Variants in LHX1 observed in about 807,000 individuals in gnomAD.
The protein encoded by LHX1 is LIM/homeobox protein Lhx1.
Under a neutral mutation model 34.1 loss-of-function variants are expected in LHX1, and 9 were observed. The ratio of observed to expected loss-of-function variants is 0.26; its 90% confidence interval spans 0.16 to 0.46. The LOEUF is 0.46. Ranked by LOEUF, LHX1 falls within the 20% of genes least tolerant of loss-of-function variation. The pLI, the probability that LHX1 is intolerant of heterozygous loss-of-function variation, is 1.00. For missense variants in LHX1, 446 were observed against 559.1 expected, an observed-to-expected ratio of 0.80 and a Z score of 2.04; for synonymous variants, 254 against 241.5, an observed-to-expected ratio of 1.05 and a Z score of -0.48.
At chr17:36,942,439 G>T in intron 4 of LHX1, 74 bp downstream of exon 4, 3 of 1,451,046 alleles carry the variant, frequency 2.1e-6, no homozygotes, top group South Asian at 2.5e-5. Context: ...CAGCGCGGGG[G>T]GGCACGCCTC....
intron 3 of LHX1, 64 bp downstream of exon 3, chr17:36,940,951 C>T (rs772981166): frequency 6.5e-7 from 1 of 1,538,522 alleles, no homozygotes; most frequent in South Asian, 1.2e-5. Flanking sequence ...GCACCCAGGC[C>T]GAGCCAGGAG....
Position 36,942,471 on chromosome 17 carries a change from AG to A in LHX1, c.841+107del. 4 of 1,210,932 alleles carry A rather than the reference AG, an allele frequency of 3.3e-6. No homozygotes were observed. The East Asian group carries it at 1.0e-4, about 31-fold the overall frequency. The allele number at this position is 1,210,932 out of a possible 1,614,324, so 75.0% of individuals were successfully genotyped here. ...CCTCGCTCTCTGTAAGCCACTGGAG[AG>A]TTGGGGCGAGTAGGGAGAAGGCTGG... is the stretch of plus-strand genomic sequence containing the variant. On this transcript the variant is annotated intron_variant, in intron 4 of 4. Coordinates refer to ENST00000614239, the MANE Select transcript of LHX1 (RefSeq NM_005568.5).
chr17:36,938,912 T>C, intron 1 of LHX1: 1 of 235,080 alleles, frequency 4.3e-6, no homozygotes, highest in Non-Finnish European at 8.6e-6. Context: ...CCGGGGGTCT[T>C]CCCCAAACCC....
intron 1 of LHX1, chr17:36,939,987 C>T: frequency 1.8e-6 from 1 of 566,060 alleles, no homozygotes; most frequent in East Asian, 3.0e-5. Context: ...TCTGGGATAA[C>T]GCTGGGAGTG....
Position 36,940,297 on chromosome 17 carries a change from G to T in LHX1, c.178G>T (p.Gly60Cys). ...YCKNDFFRCFGTKCAGCAQGI... is the reference protein window; with the variant it reads ...YCKNDFFRCFCTKCAGCAQGI... ...ACCCCCACCCCCCCGCAGGTGTTTC[G>T]GTACCAAATGCGCAGGCTGCGCTCA... Residue 60 changes from glycine (G) to cysteine (C), a missense_variant, in exon 2 of 5, where the codon GGT (glycine) becomes TGT (cysteine). Coordinates refer to ENST00000614239, the MANE Select transcript of LHX1 (RefSeq NM_005568.5). 2.0e-6 allele frequency: 3 copies of T among 1,474,814 alleles called. No homozygotes were observed. The highest frequency in any genetic ancestry group is 9.0e-7 in the Non-Finnish European group (1 of 1,112,254). The allele number at this position is 1,474,814 out of a possible 1,614,324, so 91.4% of individuals were successfully genotyped here. A position where few individuals can be genotyped will look rare whatever the true frequency, so the allele number is the denominator to read the frequency against.
chr17:36,942,667 G>A, intron 4 of LHX1, 85 bp from the exon 5 acceptor site: 1 of 1,364,964 alleles, frequency 7.3e-7, no homozygotes, highest in South Asian at 1.6e-5. Context: ...TCCTCAGCCC[G>A]CCGAGGTCGC....
rs2070789197 is a variant in LHX1 at position 36,944,342 on chromosome 17, T to C, written c.*1211T>C. ...ATTTTTTTGTCCTGTTGAACATTCA[T>C]GGAATTGTTAATATGACTTATATAG... On this transcript the variant is annotated 3_prime_UTR_variant, in exon 5 of 5. Transcript: ENST00000614239. 1 of 152,090 alleles carries C rather than the reference T, an allele frequency of 6.6e-6. No homozygotes were observed. Among genetic ancestry groups the C allele is most frequent in the African/African-American group, 2.4e-5 (1 of 41,434 alleles). 9.4% of individuals were successfully genotyped at this position (152,090 alleles called of 1,614,324 possible). A position where few individuals can be genotyped will look rare whatever the true frequency, so the allele number is the denominator to read the frequency against.
Position 36,943,205 on chromosome 17 carries a change from A to AAAC in LHX1, c.*76_*77insCAA, listed in dbSNP as rs2070780029. On this transcript the variant is annotated 3_prime_UTR_variant, in exon 5 of 5. Transcript: ENST00000614239. ...TTTATTTAAGAAAAATAGAAAAAAA[A>AAAC]AAACATAAAAAGCAAGTCCCCACCC... 11 of 1,512,948 alleles carry AAAC rather than the reference A, an allele frequency of 7.3e-6. No individual in the cohort carries two copies. In the South Asian group the frequency reaches 1.3e-4, roughly 17 times the overall value. The allele number at this position is 1,512,948 out of a possible 1,614,324, so 93.7% of individuals were successfully genotyped here.
chr17:36,939,901 C>A (rs8075069), intron 1 of LHX1: 29,293 of 366,432 alleles, frequency 0.08, 3,085 homozygotes, highest in African/African-American at 0.32. Context: ...TGAATCTAAT[C>A]GGAAAATAAG....
chr17:36,944,369 C>G lies in LHX1; in HGVS notation c.*1238C>G, dbSNP rs1482298218. 6.6e-6 allele frequency: 1 copy of G among 151,554 alleles called. No individual in the cohort carries two copies. The highest frequency in any genetic ancestry group is 2.4e-5 in the African/African-American group (1 of 41,222). The allele number at this position is 151,554 out of a possible 1,614,324, so 9.4% of individuals were successfully genotyped here. On this transcript the variant is annotated 3_prime_UTR_variant, in exon 5 of 5. Transcript: ENST00000614239. ...GAATTGTTAATATGACTTATATAGA[C>G]CCACACAGGTTTTATTTTTGTGTCT...
intron 3 of LHX1, 152 bp from the exon 4 acceptor site, chr17:36,942,048 G>T (rs538330189): frequency 1.4e-5 from 10 of 730,582 alleles, no homozygotes; most frequent in African/African-American, 1.2e-4. Flanking sequence ...CCTAGTCAGA[G>T]ATCGCACCGT....
intron 1 of LHX1, 32 bp from the exon 2 acceptor site, chr17:36,940,258 C>CGGGGGGGGGGG: frequency 2.8e-5 from 15 of 528,866 alleles, no homozygotes; most frequent in East Asian, 3.5e-5. Flanking sequence ...GACCCATCCC[C>CGGGGGGGGGGG]GCCCCCGCCC....
chr17:36,940,332 C>A lies in LHX1; in HGVS notation c.213C>A (p.Ser71=), dbSNP rs751903509. 187 of 1,422,086 alleles carry A rather than the reference C, an allele frequency of 1.3e-4. No homozygotes were observed. The highest frequency in any genetic ancestry group is 1.7e-4 in the Non-Finnish European group (178 of 1,061,388). The allele number at this position is 1,422,086 out of a possible 1,614,324, so 88.1% of individuals were successfully genotyped here. The change falls in exon 2 of 5, where the codon TCC becomes TCA. Residue 71 remains serine (S), a synonymous_variant. Transcript: ENST00000614239. ...TKCAGCAQGI[S]PSDLVRRARS... Reference sequence around the variant, plus strand: ...GCGCAGGCTGCGCTCAGGGCATCTCCCCTAGCGACCTGGTGCGGAGAGCGC... The same window carrying A: ...GCGCAGGCTGCGCTCAGGGCATCTCACCTAGCGACCTGGTGCGGAGAGCGC...
At chr17:36,941,068 G>C in intron 3 of LHX1, 181 bp downstream of exon 3, 1 of 963,054 alleles carries the variant, frequency 1.0e-6, no homozygotes, top group Non-Finnish European at 1.6e-6. Context: ...CGAGCATCTA[G>C]AAAGTCCTCT....
chr17:36,939,410 G>T (rs1466003629), intron 1 of LHX1, among the ~76,000 whole-genome samples: 1 of 152,188 alleles, frequency 6.6e-6, no homozygotes, highest in Non-Finnish European at 1.5e-5. Context: ...CCACTCAGAG[G>T]GCCAAGACGC....
In LHX1 at chr17:36,941,024, G is replaced by A. The variant is rs2070761798; in HGVS notation, c.675+137G>A. ...GAGGTGGGGTGCCTAGACACATCCC[G>A]AGCCTGCGGGACCTATGAAATGCCT... On this transcript the variant is annotated intron_variant, in intron 3 of 4. Coordinates refer to ENST00000614239, the MANE Select transcript of LHX1 (RefSeq NM_005568.5). The A allele has an allele frequency of 4.6e-6, 6 of 1,314,230 alleles. No homozygotes were observed. In the Admixed American group the frequency reaches 9.9e-5, roughly 22 times the overall value. The allele number at this position is 1,314,230 out of a possible 1,614,324, so 81.4% of individuals were successfully genotyped here.
chr17:36,944,480 CAT>C lies in LHX1; in HGVS notation c.*1352_*1353del, dbSNP rs775084578. ...CTTTTTCTTTATATATTAAATTTCT[CAT>C]ATGTCTTTTATTGTTCTAATAAACC... is the stretch of plus-strand genomic sequence containing the variant. On this transcript the variant is annotated 3_prime_UTR_variant, in exon 5 of 5. Coordinates refer to ENST00000614239, the MANE Select transcript of LHX1 (RefSeq NM_005568.5). 15 of 152,288 alleles carry C rather than the reference CAT, an allele frequency of 9.8e-5. No individual in the cohort carries two copies. The highest frequency in any genetic ancestry group is 7.7e-4 in the East Asian group (4 of 5,194). The allele number at this position is 152,288 out of a possible 1,614,324, so 9.4% of individuals were successfully genotyped here.
chr17:36,939,808 G>A (rs2070752282), intron 1 of LHX1, among the ~76,000 whole-genome samples: 1 of 152,294 alleles, frequency 6.6e-6, no homozygotes, highest in South Asian at 2.1e-4. Flanking sequence ...CCATGCCTAT[G>A]TGCGGGTCCT....
At chr17:36,942,533 C>G (rs1209949559) in intron 4 of LHX1, among the ~76,000 whole-genome samples, 168 bp downstream of exon 4, 2 of 152,164 alleles carry the variant, frequency 1.3e-5, no homozygotes, top group Non-Finnish European at 2.9e-5. Flanking sequence ...ACCGAGGACC[C>G]AATTCACGGC....
Sources: allele counts gnomAD v4.1 joint callset (sites outside exome capture counted in the v4.1 genomes callset), GRCh38; gene constraint gnomAD v4.1.1; transcripts MANE v1.5; gene names NCBI Gene and HGNC (gene_info 2026-07-23, HGNC 2026-07-21).